The following BTBD9 variants were observed in gnomAD, a reference collection of about 807,000 sequenced individuals.
BTBD9 encodes the protein BTB domain containing 9, also known as BTB/POZ domain-containing protein 9.
Under a neutral mutation model 64.3 loss-of-function variants are expected in BTBD9, and 49 were observed. The ratio of observed to expected loss-of-function variants is 0.76; its 90% CI spans 0.61 to 0.97. The LOEUF (loss-of-function observed/expected upper bound fraction) is 0.97, where lower values mean the gene tolerates loss of function less well. Among genes scored for constraint, BTBD9 ranks in the 50% least tolerant of loss-of-function variants. BTBD9 has a pLI of 0.00. For synonymous variants in BTBD9, 260 were observed against 274.7 expected, an observed-to-expected ratio of 0.95 and a Z score of 0.53; for missense variants, 598 against 762.1, an observed-to-expected ratio of 0.78 and a Z score of 2.53.
At chr6:38,513,422 T>C (rs1477924098) in intron 6 of BTBD9, among the ~76,000 whole-genome samples, 4 of 151,052 alleles carry the variant, frequency 2.6e-5, no homozygotes, top group Non-Finnish European at 5.9e-5. Context: ...CACTCCAGCT[T>C]GGGCAACAGA....
chr6:38,261,709 G>A (rs1033087355), intron 8 of BTBD9, among the ~76,000 whole-genome samples: 1 of 151,932 alleles, frequency 6.6e-6, no homozygotes, highest in Non-Finnish European at 1.5e-5. Flanking sequence ...ATTTATTCTG[G>A]CCTAAATTCT....
At chr6:38,587,477 G>A (rs552751623) in intron 4 of BTBD9, 27 of 548,632 alleles carry the variant, frequency 4.9e-5, no homozygotes, top group Middle Eastern at 3.7e-4. Flanking sequence ...AAACTTCTGC[G>A]TAATGTTGAA....
chr6:38,423,967 A>G (rs1370658699), intron 6 of BTBD9, among the ~76,000 whole-genome samples: 4 of 151,950 alleles, frequency 2.6e-5, no homozygotes. Context: ...GACCTTTCAG[A>G]GGCTTGGTTT....
At chr6:38,335,100 T>C (rs1763842886) in intron 7 of BTBD9, among the ~76,000 whole-genome samples, 1 of 152,188 alleles carries the variant, frequency 6.6e-6, no homozygotes, top group Admixed American at 6.5e-5. Flanking sequence ...CCTGCTGCCA[T>C]GTAAGGTGTG....
intron 9 of BTBD9, among the ~76,000 whole-genome samples, chr6:38,227,821 C>T (rs562107353): frequency 1.9e-3 from 286 of 152,250 alleles, no homozygotes; most frequent in African/African-American, 4.3e-3. Flanking sequence ...GTGAGTTCTG[C>T]GGCAATGGGC....
At chr6:38,430,808 A>G (rs1252251057) in intron 6 of BTBD9, among the ~76,000 whole-genome samples, 1 of 151,842 alleles carries the variant, frequency 6.6e-6, no homozygotes, top group Non-Finnish European at 1.5e-5. Flanking sequence ...AGCTACTCCA[A>G]TAGGATTTTC....
chr6:38,589,335 A>C (rs1776690606), intron 4 of BTBD9, among the ~76,000 whole-genome samples: 1 of 152,172 alleles, frequency 6.6e-6, no homozygotes, highest in Admixed American at 6.5e-5. Context: ...TCCAAAACAA[A>C]TCCTCACTCC....
chr6:38,251,916 C>T (rs1042604475), intron 9 of BTBD9, among the ~76,000 whole-genome samples: 1 of 150,190 alleles, frequency 6.7e-6, no homozygotes, highest in African/African-American at 2.4e-5. Flanking sequence ...AAAGTGAGAG[C>T]TTTTAAAATA....
intron 6 of BTBD9, among the ~76,000 whole-genome samples, chr6:38,474,862 T>C (rs546590685): frequency 3.2e-4 from 48 of 152,264 alleles, no homozygotes; most frequent in African/African-American, 1.1e-3. Flanking sequence ...ACTGCCACAT[T>C]AAACTCCAAA....
At chr6:38,191,282 C>G (rs192873481) in intron 10 of BTBD9, among the ~76,000 whole-genome samples, 1 of 152,128 alleles carries the variant, frequency 6.6e-6, no homozygotes, top group Non-Finnish European at 1.5e-5. Context: ...AATATTTTCA[C>G]GTTTAAAAAT....
chr6:38,256,365 C>T, intron 9 of BTBD9, 44 bp downstream of exon 9: 1 of 1,426,510 alleles, frequency 7.0e-7, no homozygotes, highest in Non-Finnish European at 9.9e-7. Context: ...ACTGGGAAGA[C>T]TGTCTTTTCA....
chr6:38,437,366 C>T (rs1768788895), intron 6 of BTBD9, among the ~76,000 whole-genome samples: 1 of 152,148 alleles, frequency 6.6e-6, no homozygotes, highest in Non-Finnish European at 1.5e-5. Flanking sequence ...AGTTTATCAA[C>T]TGCAGGATTT....
chr6:38,392,093 A>G (rs1318643630), intron 6 of BTBD9, among the ~76,000 whole-genome samples: 1 of 152,288 alleles, frequency 6.6e-6, no homozygotes, highest in East Asian at 1.9e-4. Flanking sequence ...AAAGTCCAGA[A>G]TGGCAAATCC....
chr6:38,537,518 T>C (rs1774074384), intron 6 of BTBD9, among the ~76,000 whole-genome samples: 1 of 152,232 alleles, frequency 6.6e-6, no homozygotes, highest in South Asian at 2.1e-4. Flanking sequence ...ATGTATCTGG[T>C]TAATCTTCCA....
rs1260478486 is a variant in BTBD9 at position 38,256,109 on chromosome 6, TG to T, written c.1562+299del. Among the ~76,000 whole-genome samples, 162 of 146,752 alleles carry T rather than the reference TG, an allele frequency of 1.1e-3. 3 individuals are homozygous for T. Among genetic ancestry groups the T allele is most frequent in the African/African-American group, 3.8e-3 (151 of 39,944 alleles). On this transcript the variant is annotated intron_variant, in intron 9 of 10. Transcript: ENST00000481247. ...GTGGGGTATGGTGGGCATGGCGGGG[TG>T]GGGGGTCTGAGAGAGGATTGCATAA...
At chr6:38,624,506 A>G (rs1290793110) in intron 1 of BTBD9, among the ~76,000 whole-genome samples, 1 of 152,184 alleles carries the variant, frequency 6.6e-6, no homozygotes, top group Non-Finnish European at 1.5e-5. Flanking sequence ...CTTGAGCCCA[A>G]GAGTTTGAGA....
chr6:38,248,555 T>C (rs1764286771), intron 9 of BTBD9, among the ~76,000 whole-genome samples: 1 of 152,160 alleles, frequency 6.6e-6, no homozygotes, highest in Admixed American at 6.5e-5. Flanking sequence ...GGGAGTATAC[T>C]CTGACAGGAA....
chr6:38,295,485 AT>A (rs1258492794), intron 7 of BTBD9, among the ~76,000 whole-genome samples: 1 of 152,090 alleles, frequency 6.6e-6, no homozygotes, highest in African/African-American at 2.4e-5. Flanking sequence ...TTTCTTGTTT[AT>A]AAGTTCTTTC....
chr6:38,441,936 A>G (rs1769054058), intron 6 of BTBD9, among the ~76,000 whole-genome samples: 1 of 152,222 alleles, frequency 6.6e-6, no homozygotes, highest in East Asian at 1.9e-4. Context: ...CAGAGCTGAG[A>G]GATAACCCAG....
Sources: gnomAD v4.1 joint callset for allele counts (sites outside exome capture counted in the v4.1 genomes callset) on GRCh38, gnomAD v4.1.1 for gene constraint, MANE v1.5 for transcripts, NCBI Gene and HGNC (gene_info 2026-07-23, HGNC 2026-07-21) for gene names.